The following PRKCD variants were observed in gnomAD, a reference collection of about 807,000 sequenced individuals.
PRKCD encodes protein kinase C delta, also known as protein kinase C delta type.
Under a neutral mutation model 82.2 loss-of-function variants are expected in PRKCD, and 20 were observed. That is an observed-to-expected ratio of 0.24 (90% confidence interval 0.17 to 0.35). The LOEUF (loss-of-function observed/expected upper bound fraction) is 0.35, where lower values mean the gene tolerates loss of function less well. PRKCD is among the 10% of genes least tolerant of loss of function. The pLI is 1.00. For missense variants in PRKCD, 607 were observed against 899.0 expected (o/e 0.68, Z 4.15); for synonymous variants, 317 against 337.0 (o/e 0.94, Z 0.65).
intron 2 of PRKCD, among the ~76,000 whole-genome samples, chr3:53,171,721 G>A (rs1256594613): frequency 6.6e-6 from 1 of 152,232 alleles, no homozygotes; most frequent in Non-Finnish European, 1.5e-5. Flanking sequence ...TCAGAAGGCT[G>A]TTCCAGCTGA....
At chr3:53,187,275 C>A in intron 14 of PRKCD, 65 bp from the exon 15 acceptor site, 1 of 1,571,644 alleles carries the variant, frequency 6.4e-7, no homozygotes, top group Non-Finnish European at 8.8e-7. Context: ...GGGTTGAGGG[C>A]CCGAGGAGAA....
At chr3:53,182,849 T>C (rs1378954882) in intron 7 of PRKCD, among the ~76,000 whole-genome samples, 1 of 152,162 alleles carries the variant, frequency 6.6e-6, no homozygotes, top group Non-Finnish European at 1.5e-5. Flanking sequence ...CTGTGCCCGC[T>C]AACTTCTGCC....
intron 7 of PRKCD, among the ~76,000 whole-genome samples, chr3:53,182,912 GTCC>G (rs1703502136): frequency 6.6e-6 from 1 of 152,196 alleles, no homozygotes; most frequent in Non-Finnish European, 1.5e-5. Context: ...AGATTGGCCT[GTCC>G]TCTCCGCCCC....
Position 53,188,795 on chromosome 3 carries a change from G to C in PRKCD, c.1491G>C (p.Glu497Asp). The C allele has an allele frequency of 6.2e-7, 1 of 1,614,202 alleles. No homozygotes were observed. The highest frequency in any genetic ancestry group is 8.5e-7 in the Non-Finnish European group (1 of 1,180,040). The change falls in exon 16 of 19, where the codon GAG (glutamate) becomes GAC (aspartate). Residue 497 changes from glutamate to aspartate, a missense_variant. By Grantham distance (45) the Glu-to-Asp change is conservative. Transcript: ENST00000330452. ...TTGCCGACTTTGGGATGTGCAAAGA[G>C]AACATATTCGGGGAGAGCCGGGCCA... ...IKIADFGMCKENIFGESRAST... is the reference protein window; with the variant it reads ...IKIADFGMCKDNIFGESRAST...
chr3:53,161,567 G>A (rs1450526933), intron 1 of PRKCD, 139 bp downstream of exon 1: 4 of 151,760 alleles, frequency 2.6e-5, no homozygotes, highest in African/African-American at 9.7e-5. Context: ...GCCGCGCCGA[G>A]ACCTGCCGGT....
rs1703519093 is a variant in PRKCD, at chr3:53,183,203, T to C, written c.654T>C (p.Thr218=). The part of the protein sequence containing the change: ...CTGTAANSRD[T]IFQKERFNID... Reference sequence around the variant, plus strand: ...GCACCGCGGCCAACAGCCGGGACACTATAGTGAGCCTGGGTCCGGGGCAGG... The same window carrying C: ...GCACCGCGGCCAACAGCCGGGACACCATAGTGAGCCTGGGTCCGGGGCAGG... Residue 218 remains threonine (T), a synonymous_variant, in exon 8 of 19, where the codon ACT becomes ACC. Coordinates refer to ENST00000330452, the MANE Select transcript of PRKCD (RefSeq NM_006254.4). The C allele has an allele frequency of 6.2e-7, 1 of 1,613,868 alleles. No homozygotes were observed. Among genetic ancestry groups the C allele is most frequent in the Admixed American group, 1.7e-5 (1 of 59,990 alleles).
chr3:53,166,607 C>T lies in PRKCD; in HGVS notation c.-20+1392C>T, dbSNP rs547745185. Among the ~76,000 whole-genome samples, 6 of 152,356 alleles carry T rather than the reference C, an allele frequency of 3.9e-5. No homozygotes were observed. In the South Asian group the frequency reaches 1.0e-3, roughly 26 times the overall value. ...ACACACACAGATGCTCTCCCAGTTA[C>T]CGTTGGCATCCATGCACTCAAATGC... On this transcript the variant is annotated intron_variant, in intron 2 of 18. Transcript: ENST00000330452.
At chr3:53,161,647 C>G (rs1702663863) in intron 1 of PRKCD, 1 of 152,112 alleles carries the variant, frequency 6.6e-6, no homozygotes, top group African/African-American at 2.4e-5. Context: ...TCTGTCTGCC[C>G]GCTCCCGGCC....
Position 53,181,430 on chromosome 3 carries a change from T to A in PRKCD, c.377-14T>A. The A allele has an allele frequency of 6.2e-7, 1 of 1,614,086 alleles. No individual in the cohort carries two copies. The highest frequency in any genetic ancestry group is 8.5e-7 in the Non-Finnish European group (1 of 1,179,980). ...CAGATACCAGGGCTGACTTCCCTAC[T>A]CCATGGTCACCAGATTGCAAACAGT... On this transcript the variant is annotated splice_polypyrimidine_tract_variant and intron_variant, in intron 5 of 18. Coordinates refer to ENST00000330452, the MANE Select transcript of PRKCD (RefSeq NM_006254.4).
chr3:53,187,683 G>A (rs1242026680), intron 15 of PRKCD, among the ~76,000 whole-genome samples: 1 of 152,104 alleles, frequency 6.6e-6, no homozygotes, highest in Non-Finnish European at 1.5e-5. Flanking sequence ...AAGCCCCATC[G>A]AGTCATCTAA....
chr3:53,184,690 A>G (rs1459035963), intron 9 of PRKCD, among the ~76,000 whole-genome samples, 184 bp from the exon 10 acceptor site: 6 of 148,898 alleles, frequency 4.0e-5, no homozygotes, highest in South Asian at 2.1e-4. Context: ...AAAAAAAAAA[A>G]AGAGAGAGAG....
intron 2 of PRKCD, among the ~76,000 whole-genome samples, chr3:53,172,919 G>A (rs1441798826): frequency 6.6e-6 from 1 of 152,180 alleles, no homozygotes; most frequent in African/African-American, 2.4e-5. Context: ...GGGAAGGGGT[G>A]GGGTGGAGGG....
intron 9 of PRKCD, among the ~76,000 whole-genome samples, chr3:53,184,366 A>G (rs1553668498): frequency 7.9e-5 from 11 of 139,460 alleles, no homozygotes; most frequent in Non-Finnish European, 9.2e-5. Flanking sequence ...AACAACAACA[A>G]CAAAAATCAT....
intron 7 of PRKCD, among the ~76,000 whole-genome samples, chr3:53,182,418 A>AC (rs1247576933): frequency 6.6e-6 from 1 of 151,968 alleles, no homozygotes; most frequent in Non-Finnish European, 1.5e-5. Flanking sequence ...ACAGGCGTGC[A>AC]CCACCATGCC....
At chr3:53,175,988 A>G (rs896335967) in intron 2 of PRKCD, among the ~76,000 whole-genome samples, 8 of 152,196 alleles carry the variant, frequency 5.3e-5, no homozygotes, top group African/African-American at 1.7e-4. Flanking sequence ...CTGAGTGCCC[A>G]CCATGTGCCA....
At chr3:53,186,461 C>CA in intron 13 of PRKCD, 121 bp downstream of exon 13, 18 of 1,398,764 alleles carry the variant, frequency 1.3e-5, no homozygotes, top group African/African-American at 5.7e-5. Flanking sequence ...ATGCTTTCCC[C>CA]CCTCATGCCT....
intron 8 of PRKCD, 48 bp downstream of exon 8, chr3:53,183,254 G>A (rs782314133): frequency 6.2e-7 from 1 of 1,601,546 alleles, no homozygotes; most frequent in Non-Finnish European, 8.5e-7. Context: ...GGCTTGGCCA[G>A]ATGGGAGGGA....
chr3:53,182,712 C>A (rs1703492332), intron 7 of PRKCD, among the ~76,000 whole-genome samples: 3 of 152,286 alleles, frequency 2.0e-5, no homozygotes, highest in South Asian at 2.1e-4. Context: ...ATTACACATG[C>A]TTTGTGTGTA....
At chr3:53,189,282 T>TGGGGCAG in intron 17 of PRKCD, 36 bp downstream of exon 17, 1 of 1,468,574 alleles carries the variant, frequency 6.8e-7, no homozygotes, top group South Asian at 1.2e-5. Context: ...TGGTCTGGGC[T>TGGGGCAG]GGGCTGGGGC....
Sources: gnomAD v4.1 joint callset for allele counts (sites outside exome capture counted in the v4.1 genomes callset) on GRCh38, gnomAD v4.1.1 for gene constraint, MANE v1.5 for transcripts, NCBI Gene and HGNC (gene_info 2026-07-23, HGNC 2026-07-21) for gene names.